The following TSACC variants were observed in gnomAD, a reference collection of about 807,000 sequenced individuals.
TSACC encodes the protein TSSK6-activating co-chaperone protein.
In TSACC, 3 loss-of-function variants were observed where a neutral mutation model predicts 6.9. The observed-to-expected ratio is 0.43, with a 90% CI of 0.20 to 1.12. TSACC has a LOEUF of 1.12. Ranked by LOEUF, TSACC falls within the 50% of genes most tolerant of loss-of-function variation. The pLI is 0.28. For missense variants in TSACC, 137 were observed against 143.9 expected (o/e 0.95, Z 0.24); for synonymous variants, 54 against 55.1 (o/e 0.98, Z 0.09).
upstream of TSACC, chr1:156,338,037 C>T: frequency 1.8e-6 from 2 of 1,130,664 alleles, no homozygotes; most frequent in Non-Finnish European, 2.6e-6. Context: ...AAAATGAAGA[C>T]GATGATTGGA....
At chr1:156,339,849 C>T (rs1271915655) in intron 2 of TSACC, 58 bp downstream of exon 2, 2 of 1,589,246 alleles carry the variant, frequency 1.3e-6, no homozygotes, top group South Asian at 1.1e-5. Context: ...CTTTGCATTC[C>T]CCACTAAATG....
chr1:156,339,815 C>T (rs1424602660), intron 2 of TSACC, 24 bp downstream of exon 2: 1 of 1,612,972 alleles, frequency 6.2e-7, no homozygotes. Context: ...GCCCTGCTTC[C>T]CCTCCCTTAA....
upstream of TSACC, chr1:156,338,071 G>C: frequency 1.4e-6 from 2 of 1,464,400 alleles, no homozygotes; most frequent in Admixed American, 2.0e-5. Flanking sequence ...CGGTCAGTGG[G>C]GGACGGAGCT....
chr1:156,339,628 C>T lies in TSACC; in HGVS notation c.-124-6C>T. 1 of 1,155,806 alleles carries T rather than the reference C, an allele frequency of 8.7e-7. No homozygotes were observed. 71.6% of individuals were successfully genotyped at this position (1,155,806 alleles called of 1,614,324 possible). On this transcript the variant is annotated splice_polypyrimidine_tract_variant and splice_region_variant and intron_variant, in intron 1 of 3. Coordinates refer to ENST00000368254, the MANE Select transcript of TSACC (RefSeq NM_001304817.2). Reference sequence around the variant, plus strand: ...GAAATAGAGTTTCCTACTTTTTCCTCTGCAGATTGGAACAGGCTGAGATCT... The same window carrying T: ...GAAATAGAGTTTCCTACTTTTTCCTTTGCAGATTGGAACAGGCTGAGATCT...
intron 2 of TSACC, among the ~76,000 whole-genome samples, chr1:156,342,532 A>AT (rs1403808677): frequency 6.6e-6 from 1 of 152,060 alleles, no homozygotes; most frequent in Admixed American, 6.6e-5. Flanking sequence ...AGAATAAGAC[A>AT]TTTTCCTTCA....
intron 3 of TSACC, among the ~76,000 whole-genome samples, chr1:156,345,375 C>T (rs931584310): frequency 2.6e-5 from 4 of 151,776 alleles, no homozygotes; most frequent in Non-Finnish European, 4.4e-5. Context: ...CCAGCCTGAC[C>T]GACATGGTGA....
chr1:156,340,201 C>T (rs894048859), intron 2 of TSACC, among the ~76,000 whole-genome samples: 2 of 152,218 alleles, frequency 1.3e-5, no homozygotes, highest in Non-Finnish European at 2.9e-5. Context: ...CTCTGTCACC[C>T]AGGCTGGGGT....
rs139046302 is a variant in TSACC, at chr1:156,342,896, G to A, written c.35-1684G>A. Among the ~76,000 whole-genome samples the A allele has an allele frequency of 2.7e-4, 41 of 152,270 alleles. No homozygotes were observed. In the East Asian group the frequency reaches 7.3e-3, roughly 27 times the overall value. Reference sequence around the variant, plus strand: ...GATTTCATTATAACAGTGAATTATTGTCTCCCTACTGTCTTGCCTTTTTAA... The same window carrying A: ...GATTTCATTATAACAGTGAATTATTATCTCCCTACTGTCTTGCCTTTTTAA... On this transcript the variant is annotated intron_variant, in intron 2 of 3. Transcript: ENST00000368254.
rs539056196 is a variant in TSACC, at chr1:156,345,867, A to G, written c.164-901A>G. Among the ~76,000 whole-genome samples the G allele has an allele frequency of 3.4e-5, 5 of 147,618 alleles. No homozygotes were observed. The East Asian group carries it at 9.8e-4, about 29-fold the overall frequency. ...GGGAGACAGAGCAAGGCTCCATTGA[A>G]AAAAAAAAAAAGAAAAAAGAAAAAT... On this transcript the variant is annotated intron_variant, in intron 3 of 3. Transcript: ENST00000368254.
intron 2 of TSACC, 90 bp downstream of exon 2, chr1:156,339,881 C>A: frequency 7.2e-7 from 1 of 1,380,294 alleles, no homozygotes; most frequent in Non-Finnish European, 1.0e-6. Context: ...GTATTCCCAG[C>A]ACCTAGAACT....
At chr1:156,342,676 TTCATA>T (rs1665962647) in intron 2 of TSACC, among the ~76,000 whole-genome samples, 1 of 152,226 alleles carries the variant, frequency 6.6e-6, no homozygotes, top group Admixed American at 6.5e-5. Context: ...GTCAGTTGCT[TTCATA>T]GCACTTACTG....
chr1:156,345,289 A>T (rs928711960), intron 3 of TSACC, among the ~76,000 whole-genome samples: 29 of 152,362 alleles, frequency 1.9e-4, no homozygotes, highest in African/African-American at 6.0e-4. Context: ...GTGGCTGGGC[A>T]CGGTAGCTCA....
At chr1:156,345,559 A>G (rs1295528212) in intron 3 of TSACC, among the ~76,000 whole-genome samples, 1 of 147,060 alleles carries the variant, frequency 6.8e-6, no homozygotes, top group African/African-American at 2.5e-5. Context: ...GTGAAACTCC[A>G]TCTCAAAACA....
chr1:156,346,099 CAGG>C (rs1297949794), intron 3 of TSACC, among the ~76,000 whole-genome samples: 1 of 146,530 alleles, frequency 6.8e-6, no homozygotes, highest in Non-Finnish European at 1.5e-5. Context: ...GAAGTTGAGG[CAGG>C]AGAATTGCTT....
rs2101698494 is a variant in TSACC, at chr1:156,339,644, G to C, written c.-114G>C. 1 of 1,360,184 alleles carries C rather than the reference G, an allele frequency of 7.4e-7. No individual in the cohort carries two copies. The highest frequency in any genetic ancestry group is 1.9e-5 in the Admixed American group (1 of 52,816). 84.3% of individuals were successfully genotyped at this position (1,360,184 alleles called of 1,614,324 possible). On this transcript the variant is annotated 5_prime_UTR_variant, in exon 2 of 4. Coordinates refer to ENST00000368254, the MANE Select transcript of TSACC (RefSeq NM_001304817.2). ...CTTTTTCCTCTGCAGATTGGAACAG[G>C]CTGAGATCTGCTGGAGACAACTTAG... is the stretch of plus-strand genomic sequence containing the variant.
chr1:156,342,212 A>G (rs924428919), intron 2 of TSACC, among the ~76,000 whole-genome samples: 1 of 152,152 alleles, frequency 6.6e-6, no homozygotes, highest in African/African-American at 2.4e-5. Flanking sequence ...CTGAGTTTCA[A>G]CTTCTGTCTC....
At chr1:156,342,963 C>T (rs1465457616) in intron 2 of TSACC, among the ~76,000 whole-genome samples, 1 of 152,182 alleles carries the variant, frequency 6.6e-6, no homozygotes, top group Non-Finnish European at 1.5e-5. Context: ...ATCCATTGCC[C>T]TTGTCTACTT....
At chr1:156,341,364 G>A (rs946795793) in intron 2 of TSACC, among the ~76,000 whole-genome samples, 11 of 152,114 alleles carry the variant, frequency 7.2e-5, no homozygotes, top group African/African-American at 2.7e-4. Context: ...CTCAGGTCAC[G>A]TTCCCCAGTG....
chr1:156,340,680 C>T (rs1665827551), intron 2 of TSACC, among the ~76,000 whole-genome samples: 2 of 151,826 alleles, frequency 1.3e-5, no homozygotes, highest in African/African-American at 2.4e-5. Context: ...AGGCTGGTTT[C>T]GAACTCCTGA....
Sources: allele counts gnomAD v4.1 joint callset (sites outside exome capture counted in the v4.1 genomes callset), GRCh38; gene constraint gnomAD v4.1.1; transcripts MANE v1.5; gene names NCBI Gene and HGNC (gene_info 2026-07-23, HGNC 2026-07-21).